The following DOCK2 variants were observed in gnomAD, a reference collection of about 807,000 sequenced individuals.
The protein encoded by DOCK2 is dedicator of cytokinesis protein 2.
A neutral mutation model predicts 248.9 loss-of-function variants in DOCK2; 87 were observed. That is an observed-to-expected ratio of 0.35 (90% CI 0.29 to 0.42). The LOEUF (loss-of-function observed/expected upper bound fraction) is 0.42, where lower values mean the gene tolerates loss of function less well. DOCK2 is among the 10% of genes least tolerant of loss of function. The pLI is 1.00. For synonymous variants in DOCK2, 805 were observed against 821.6 expected (o/e 0.98, Z 0.35); for missense variants, 1,747 against 2,300.2 (o/e 0.76, Z 4.92).
intron 25 of DOCK2, among the ~76,000 whole-genome samples, chr5:169,766,300 C>T (rs1163884331): frequency 2.0e-5 from 3 of 152,150 alleles, no homozygotes; most frequent in African/African-American, 7.2e-5. Context: ...TTAGCTCTCA[C>T]TTATAAGTGA....
chr5:170,024,004 C>A (rs1204155881), intron 33 of DOCK2, among the ~76,000 whole-genome samples: 1 of 152,202 alleles, frequency 6.6e-6, no homozygotes, highest in African/African-American at 2.4e-5. Context: ...AGGCATGAAG[C>A]AAACACGAGG....
At chr5:169,648,929 G>A (rs1196848042) in intron 1 of DOCK2, among the ~76,000 whole-genome samples, 4 of 152,276 alleles carry the variant, frequency 2.6e-5, no homozygotes, top group South Asian at 2.1e-4. Context: ...GCGCCCGCCC[G>A]GGTTTGAGCT....
At chr5:169,967,468 T>C (rs1240469401) in intron 27 of DOCK2, among the ~76,000 whole-genome samples, 1 of 152,160 alleles carries the variant, frequency 6.6e-6, no homozygotes, top group Admixed American at 6.5e-5. Flanking sequence ...GTATAAGTTC[T>C]GTGTGGCCGG....
Position 169,800,954 on chromosome 5 carries a change from T to C in DOCK2, c.2555-2104T>C, listed in dbSNP as rs1381760951. 4.9e-5 allele frequency among the ~76,000 whole-genome samples: 4 copies of C among 81,910 alleles called. 1 individual carries two copies. The highest frequency in any genetic ancestry group is 3.1e-4 in the East Asian group (1 of 3,250). 53.7% of individuals were successfully genotyped at this position (81,910 alleles called of 152,430 possible). ...TTCTTTTCTTTCTTTCTTTTTTTTTTTTTTTTTTTTTTTTTTTTTGAGATG... is the reference window on the plus strand; with the variant it reads ...TTCTTTTCTTTCTTTCTTTTTTTTTCTTTTTTTTTTTTTTTTTTTGAGATG... On this transcript the variant is annotated intron_variant, in intron 25 of 51. Transcript: ENST00000520908.
chr5:170,080,821 C>T (rs1401553541), intron 50 of DOCK2: 2 of 155,280 alleles, frequency 1.3e-5, no homozygotes, highest in Non-Finnish European at 2.9e-5. Context: ...GAGGCCCTAA[C>T]AGGGGACATG....
chr5:169,885,535 C>T (rs555972150), intron 27 of DOCK2, among the ~76,000 whole-genome samples: 7 of 152,274 alleles, frequency 4.6e-5, no homozygotes, highest in Admixed American at 1.3e-4. Flanking sequence ...TTTCTTATTG[C>T]TTTTCAGGAG....
intron 41 of DOCK2, among the ~76,000 whole-genome samples, chr5:170,053,823 A>G (rs977533537): frequency 1.3e-5 from 2 of 152,214 alleles, no homozygotes; most frequent in African/African-American, 4.8e-5. Flanking sequence ...AGGCAATTCA[A>G]TTTAATTTGG....
intron 22 of DOCK2, among the ~76,000 whole-genome samples, chr5:169,727,275 G>A (rs1050118022): frequency 1.3e-5 from 2 of 152,166 alleles, no homozygotes; most frequent in Non-Finnish European, 2.9e-5. Context: ...ACGCTGCAAA[G>A]CATAGGTATT....
At chr5:169,914,868 G>T (rs1774790561) in intron 27 of DOCK2, among the ~76,000 whole-genome samples, 2 of 152,208 alleles carry the variant, frequency 1.3e-5, no homozygotes, top group African/African-American at 2.4e-5. Flanking sequence ...GATCTACAAA[G>T]TCCCTTCACA....
chr5:170,041,877 T>G (rs1174810895), intron 37 of DOCK2, 136 bp from the exon 38 acceptor site: 11 of 1,115,266 alleles, frequency 9.9e-6, no homozygotes, highest in Non-Finnish European at 1.4e-5. Flanking sequence ...AGAAATAAGC[T>G]GAGTTCAAGA....
At chr5:169,689,457 A>G in intron 9 of DOCK2, 124 bp downstream of exon 9, 1 of 972,622 alleles carries the variant, frequency 1.0e-6, no homozygotes, top group South Asian at 1.5e-5. Flanking sequence ...TGTGGGCTCC[A>G]AGCAGAAATC....
At chr5:169,872,943 C>A (rs554374152) in intron 27 of DOCK2, among the ~76,000 whole-genome samples, 1 of 152,292 alleles carries the variant, frequency 6.6e-6, no homozygotes, top group Admixed American at 6.5e-5. Context: ...GGGCAAAATG[C>A]CTAGTGCAGT....
chr5:169,727,921 C>G (rs762371418), intron 22 of DOCK2, among the ~76,000 whole-genome samples: 2 of 152,044 alleles, frequency 1.3e-5, no homozygotes, highest in African/African-American at 4.8e-5. Flanking sequence ...AAGGTTAGTT[C>G]GTGGAAGATG....
intron 26 of DOCK2, among the ~76,000 whole-genome samples, chr5:169,826,720 T>C (rs1768886713): frequency 6.6e-6 from 1 of 152,240 alleles, no homozygotes; most frequent in Non-Finnish European, 1.5e-5. Context: ...ACTCTTAATA[T>C]GGAGAGGCAG....
At chr5:169,774,196 A>G (rs1452175278) in intron 25 of DOCK2, among the ~76,000 whole-genome samples, 4 of 152,180 alleles carry the variant, frequency 2.6e-5, no homozygotes, top group Non-Finnish European at 5.9e-5. Flanking sequence ...TTTGCTGCAG[A>G]TTCATTTCAG....
rs745945611 is a variant in DOCK2, at chr5:169,669,298, G to T, written c.138G>T (p.Arg46Ser). The T allele has an allele frequency of 1.2e-5, 19 of 1,614,036 alleles. No individual in the cohort carries two copies. Among genetic ancestry groups the T allele is most frequent in the Middle Eastern group, 1.6e-4 (1 of 6,062 alleles). Residue 46 changes from arginine to serine, a missense_variant, in exon 3 of 52, where the codon AGG becomes AGT. Arg to Ser is a moderately radical substitution (Grantham distance 110). This residue lies in a region of DOCK2 where 375 missense variants were observed against 510.9 expected (regional missense o/e 0.73). Transcript: ENST00000520908. ...GTTTTCTTTTTGCAGACTGGTATAGGGGATACCTCATAAAGCACAAAATGT... is the reference window on the plus strand; with the variant it reads ...GTTTTCTTTTTGCAGACTGGTATAGTGGATACCTCATAAAGCACAAAATGT... ...RIQETCGDWYRGYLIKHKMLQ... is the reference protein window; with the variant it reads ...RIQETCGDWYSGYLIKHKMLQ...
intron 22 of DOCK2, among the ~76,000 whole-genome samples, chr5:169,730,540 C>T (rs574521439): frequency 2.0e-5 from 3 of 152,138 alleles, no homozygotes; most frequent in South Asian, 2.1e-4. Flanking sequence ...GCAGGTAGCA[C>T]GTATAATACT....
chr5:170,027,998 G>T, intron 34 of DOCK2, 50 bp downstream of exon 34: 1 of 1,549,274 alleles, frequency 6.5e-7, no homozygotes, highest in Non-Finnish European at 8.8e-7. Flanking sequence ...GTCAGGTGAG[G>T]CGGGAGGGCT....
chr5:169,746,532 G>A (rs1158091899), intron 22 of DOCK2, among the ~76,000 whole-genome samples: 1 of 152,154 alleles, frequency 6.6e-6, no homozygotes, highest in Non-Finnish European at 1.5e-5. Context: ...GGAGACAGGA[G>A]CACTCTTCTG....
Sources: allele counts gnomAD v4.1 joint callset (sites outside exome capture counted in the v4.1 genomes callset), GRCh38; gene constraint gnomAD v4.1.1; regional missense constraint gnomAD v4.1.1; transcripts MANE v1.5; gene names NCBI Gene and HGNC (gene_info 2026-07-23, HGNC 2026-07-21).